The following CFAP95 variants were observed in gnomAD, a reference collection of about 807,000 sequenced individuals.
CFAP95 encodes the protein cilia- and flagella-associated protein 95.
chr9:69,828,435 C>A, the CFAP95 span, among the ~76,000 whole-genome samples: 2 of 152,238 alleles, frequency 1.3e-5, no homozygotes, highest in African/African-American at 4.8e-5. Flanking sequence ...AATCCCAACA[C>A]TTTGGGAAGC....
the CFAP95 span, chr9:69,821,067 CG>C: frequency 6.3e-7 from 1 of 1,599,716 alleles, no homozygotes. Flanking sequence ...CCGGGTGCTG[CG>C]GGGAGGAAAG....
the CFAP95 span, chr9:69,821,130 A>G: frequency 3.3e-5 from 46 of 1,386,810 alleles, no homozygotes; most frequent in Non-Finnish European, 4.3e-5. Flanking sequence ...GAGAGGGGAC[A>G]GGAGTGGAGA....
At chr9:69,845,723 C>T in the CFAP95 span, among the ~76,000 whole-genome samples, 2 of 152,284 alleles carry the variant, frequency 1.3e-5, no homozygotes, top group African/African-American at 4.8e-5. Context: ...ACTAACACAG[C>T]TCTAAAGCAA....
At chr9:69,898,256 G>GC in the CFAP95 span, among the ~76,000 whole-genome samples, 1 of 152,118 alleles carries the variant, frequency 6.6e-6, no homozygotes, top group Non-Finnish European at 1.5e-5. Flanking sequence ...CCTCTTCAGA[G>GC]CCTATGACAT....
chr9:69,850,866 A>G, the CFAP95 span, among the ~76,000 whole-genome samples: 1 of 152,188 alleles, frequency 6.6e-6, no homozygotes, highest in Non-Finnish European at 1.5e-5. Flanking sequence ...CAATATCACC[A>G]CAATGACATC....
the CFAP95 span, among the ~76,000 whole-genome samples, chr9:69,877,139 T>A: frequency 6.6e-6 from 1 of 152,212 alleles, no homozygotes; most frequent in South Asian, 2.1e-4. Flanking sequence ...TATGCTTATA[T>A]GTAATATTTT....
the CFAP95 span, among the ~76,000 whole-genome samples, chr9:69,845,691 T>G: frequency 6.6e-6 from 1 of 151,270 alleles, no homozygotes; most frequent in African/African-American, 2.4e-5. Flanking sequence ...TGCCTGGATA[T>G]AGAATGAGCA....
the CFAP95 span, among the ~76,000 whole-genome samples, chr9:69,869,094 TTAAAAA>T: frequency 6.6e-6 from 1 of 152,116 alleles, no homozygotes; most frequent in Non-Finnish European, 1.5e-5. Context: ...TAGAAGTTCC[TTAAAAA>T]TAAAAAATAG....
At chr9:69,829,597 G>A in the CFAP95 span, among the ~76,000 whole-genome samples, 9 of 152,166 alleles carry the variant, frequency 5.9e-5, no homozygotes, top group African/African-American at 2.2e-4. Flanking sequence ...GAAGCCATTA[G>A]AGTCCTCTCC....
At chr9:69,829,078 A>G in the CFAP95 span, among the ~76,000 whole-genome samples, 6 of 152,124 alleles carry the variant, frequency 3.9e-5, no homozygotes, top group Non-Finnish European at 7.4e-5. Flanking sequence ...ATTCACATTC[A>G]TTTGGTTTAA....
At chr9:69,856,622 A>G in the CFAP95 span, 1 of 1,612,956 alleles carries the variant, frequency 6.2e-7, no homozygotes. Flanking sequence ...GTTGAAATGA[A>G]GAGCAAGGCT....
the CFAP95 span, among the ~76,000 whole-genome samples, chr9:69,878,476 G>A: frequency 2.4e-4 from 37 of 152,160 alleles, no homozygotes; most frequent in African/African-American, 8.7e-4. Context: ...CTCTGATTTG[G>A]CTCTACGGAT....
the CFAP95 span, among the ~76,000 whole-genome samples, chr9:69,845,653 G>A: frequency 6.6e-6 from 1 of 152,150 alleles, no homozygotes; most frequent in African/African-American, 2.4e-5. Flanking sequence ...ATCGCCTGGA[G>A]AATGGGGATT....
chr9:69,906,176 T>C, the CFAP95 span: 1 of 1,471,682 alleles, frequency 6.8e-7, no homozygotes, highest in Non-Finnish European at 9.2e-7. Context: ...TAATGAAAAA[T>C]GGATGTAGCA....
chr9:69,835,181 C>A, the CFAP95 span, among the ~76,000 whole-genome samples: 2 of 152,140 alleles, frequency 1.3e-5, no homozygotes. Flanking sequence ...TCAGAAAATA[C>A]AATAGCTAAC....
At chr9:69,846,143 A>G in the CFAP95 span, among the ~76,000 whole-genome samples, 2 of 152,202 alleles carry the variant, frequency 1.3e-5, no homozygotes, top group African/African-American at 4.8e-5. Flanking sequence ...TTTTTAAAGA[A>G]CTTTTGGTCC....
At chr9:69,865,578 C>A in the CFAP95 span, among the ~76,000 whole-genome samples, 1 of 152,162 alleles carries the variant, frequency 6.6e-6, no homozygotes, top group Non-Finnish European at 1.5e-5. Context: ...GTGTTGGGCA[C>A]AAGATCCAGA....
chr9:69,823,427 T>C, the CFAP95 span, among the ~76,000 whole-genome samples: 1 of 152,252 alleles, frequency 6.6e-6, no homozygotes, highest in African/African-American at 2.4e-5. Flanking sequence ...AGCATAATGG[T>C]TAAAACTCGG....
the CFAP95 span, among the ~76,000 whole-genome samples, chr9:69,870,651 C>T: frequency 6.6e-6 from 1 of 152,214 alleles, no homozygotes; most frequent in Non-Finnish European, 1.5e-5. Flanking sequence ...TGGACTGTGG[C>T]ATGGCCACCC....
Sources: allele counts gnomAD v4.1 joint callset (sites outside exome capture counted in the v4.1 genomes callset), GRCh38; gene constraint gnomAD v4.1.1; transcripts MANE v1.5; gene names NCBI Gene and HGNC (gene_info 2026-07-23, HGNC 2026-07-21).